SAMTOR: variants seen among roughly 807,000 people sequenced by gnomAD.
The protein encoded by SAMTOR is UPF0532 protein C7orf60.
the SAMTOR span, among the ~76,000 whole-genome samples, chr7:112,856,296 C>A: frequency 2.7e-5 from 4 of 149,602 alleles, no homozygotes; most frequent in African/African-American, 9.9e-5. Context: ...GTTGCCCAGG[C>A]TGGGGTGCAG....
chr7:112,821,621 T>C, the SAMTOR span: 2 of 938,808 alleles, frequency 2.1e-6, no homozygotes, highest in Admixed American at 2.7e-5. Flanking sequence ...TAGCAAACTC[T>C]GTAAACCTCT....
At chr7:112,875,836 C>T in the SAMTOR span, among the ~76,000 whole-genome samples, 1 of 152,160 alleles carries the variant, frequency 6.6e-6, no homozygotes, top group Non-Finnish European at 1.5e-5. Context: ...CATTGTTATA[C>T]GTAAGCCTTC....
the SAMTOR span, among the ~76,000 whole-genome samples, chr7:112,908,994 T>C: frequency 6.6e-6 from 1 of 152,192 alleles, no homozygotes; most frequent in Non-Finnish European, 1.5e-5. Flanking sequence ...ACCAGTTCCA[T>C]GACAGTTGGC....
chr7:112,891,447 TCTTA>T, the SAMTOR span, among the ~76,000 whole-genome samples: 1 of 152,238 alleles, frequency 6.6e-6, no homozygotes, highest in African/African-American at 2.4e-5. Flanking sequence ...CTTAAGAGTA[TCTTA>T]CTTTCATAAT....
the SAMTOR span, among the ~76,000 whole-genome samples, chr7:112,920,091 T>G: frequency 4.6e-5 from 7 of 151,228 alleles, no homozygotes; most frequent in South Asian, 2.1e-4. Context: ...CCTCCCTAAC[T>G]CATTTTATGA....
At chr7:112,822,110 G>A in the SAMTOR span, 11 of 1,613,826 alleles carry the variant, frequency 6.8e-6, no homozygotes, top group Non-Finnish European at 7.6e-6. Context: ...TAGCATGACG[G>A]TTCTGATGGG....
At chr7:112,876,133 G>C in the SAMTOR span, among the ~76,000 whole-genome samples, 2 of 152,076 alleles carry the variant, frequency 1.3e-5, no homozygotes, top group East Asian at 2.0e-4. Context: ...GCTATTTTTT[G>C]TATCTTTTTT....
At chr7:112,839,543 A>T in the SAMTOR span, among the ~76,000 whole-genome samples, 12 of 151,890 alleles carry the variant, frequency 7.9e-5, no homozygotes, top group Non-Finnish European at 1.2e-4. Context: ...CATCACTGAA[A>T]ATCTGAGTGA....
chr7:112,916,603 G>A, the SAMTOR span, among the ~76,000 whole-genome samples: 1 of 152,166 alleles, frequency 6.6e-6, no homozygotes, highest in Non-Finnish European at 1.5e-5. Context: ...AGGACGGTGG[G>A]TGCAGTGCAC....
chr7:112,881,668 C>T, the SAMTOR span, among the ~76,000 whole-genome samples: 1 of 152,158 alleles, frequency 6.6e-6, no homozygotes, highest in African/African-American at 2.4e-5. Flanking sequence ...AACAAGTTAC[C>T]AACTCTGGGT....
the SAMTOR span, among the ~76,000 whole-genome samples, chr7:112,894,590 A>G: frequency 6.6e-6 from 1 of 152,258 alleles, no homozygotes; most frequent in East Asian, 1.9e-4. Flanking sequence ...TCTTACTTAC[A>G]TGGTGGCAGG....
the SAMTOR span, among the ~76,000 whole-genome samples, chr7:112,844,052 G>A: frequency 1.3e-5 from 2 of 152,086 alleles, no homozygotes; most frequent in Admixed American, 1.3e-4. Flanking sequence ...AATAGGTGCA[G>A]AAAAGGCTTC....
the SAMTOR span, among the ~76,000 whole-genome samples, chr7:112,913,067 T>C: frequency 6.6e-6 from 1 of 152,234 alleles, no homozygotes; most frequent in Non-Finnish European, 1.5e-5. Flanking sequence ...GGTTCAGTAG[T>C]ATGCCTCATT....
the SAMTOR span, among the ~76,000 whole-genome samples, chr7:112,921,971 C>T: frequency 7.9e-5 from 12 of 151,484 alleles, no homozygotes; most frequent in South Asian, 1.7e-3. Context: ...CTCCCTCTCC[C>T]GCTCCCGCTC....
At chr7:112,867,229 C>T in the SAMTOR span, among the ~76,000 whole-genome samples, 1 of 152,214 alleles carries the variant, frequency 6.6e-6, no homozygotes, top group Admixed American at 6.5e-5. Context: ...AGATAAAATT[C>T]ATTCAGCTTG....
the SAMTOR span, among the ~76,000 whole-genome samples, chr7:112,829,623 T>C: frequency 6.6e-6 from 1 of 152,198 alleles, no homozygotes; most frequent in East Asian, 1.9e-4. Context: ...TCTACATAAC[T>C]ATGGATTGCT....
the SAMTOR span, among the ~76,000 whole-genome samples, chr7:112,872,161 A>G: frequency 1.3e-5 from 2 of 152,192 alleles, no homozygotes; most frequent in East Asian, 3.8e-4. Context: ...AATCTAGCAA[A>G]GACACAATGA....
At chr7:112,885,173 G>T in the SAMTOR span, among the ~76,000 whole-genome samples, 4 of 152,246 alleles carry the variant, frequency 2.6e-5, no homozygotes, top group Admixed American at 2.0e-4. Context: ...GGGCAGGGGG[G>T]GCCCTGGGAT....
the SAMTOR span, among the ~76,000 whole-genome samples, chr7:112,922,877 G>C: frequency 3.4e-4 from 43 of 127,958 alleles, 2 homozygotes; most frequent in East Asian, 6.4e-3. Context: ...CGGGAGGGAG[G>C]TGGGGGGGTC....
Sources: gnomAD v4.1 joint callset for allele counts (sites outside exome capture counted in the v4.1 genomes callset) on GRCh38, gnomAD v4.1.1 for gene constraint, MANE v1.5 for transcripts, NCBI Gene and HGNC (gene_info 2026-07-23, HGNC 2026-07-21) for gene names.